PRKAG2: variants seen among roughly 807,000 people sequenced by gnomAD.
The protein encoded by PRKAG2 is 5'-AMP-activated protein kinase subunit gamma-2.
A neutral mutation model predicts 69.6 loss-of-function variants in PRKAG2; 26 were observed. The observed-to-expected ratio is 0.37, with a 90% CI of 0.27 to 0.52. PRKAG2 has a LOEUF of 0.52. Among genes scored for constraint, PRKAG2 ranks in the 20% least tolerant of loss-of-function variants. PRKAG2 has a pLI of 0.90. For synonymous variants in PRKAG2, 293 were observed against 285.0 expected, an observed-to-expected ratio of 1.03 and a Z score of -0.28; for missense variants, 557 against 740.0, an observed-to-expected ratio of 0.75 and a Z score of 2.87.
At chr7:151,769,355 T>C (rs1417948966) in intron 3 of PRKAG2, among the ~76,000 whole-genome samples, 1 of 152,242 alleles carries the variant, frequency 6.6e-6, no homozygotes, top group East Asian at 1.9e-4. Flanking sequence ...GCAGATGTAG[T>C]CACTTAAGTT....
In PRKAG2 at chr7:151,807,748, C is replaced by G. The variant is rs569943581; in HGVS notation, c.115-21207G>C. On this transcript the variant is annotated intron_variant, in intron 1 of 15. Coordinates refer to ENST00000287878, the MANE Select transcript of PRKAG2 (RefSeq NM_016203.4). This position sits in a 1 kb window ranked among gnomAD's most constrained non-coding sequence, Gnocchi z 4.4. ...TTTCAGAGGAAGCCAGGAGCGAGAACTCGTGCATCCGAACCCTTCTCTGAC... is the reference window on the plus strand; with the variant it reads ...TTTCAGAGGAAGCCAGGAGCGAGAAGTCGTGCATCCGAACCCTTCTCTGAC... 2.6e-6 allele frequency: 1 copy of G among 382,594 alleles called. No individual in the cohort carries two copies. The highest frequency in any genetic ancestry group is 5.3e-6 in the Non-Finnish European group (1 of 189,804). 23.7% of individuals were successfully genotyped at this position (382,594 alleles called of 1,614,324 possible). A position where few individuals can be genotyped will look rare whatever the true frequency, so the allele number is the denominator to read the frequency against.
chr7:151,773,023 A>AAGAAAGAAAGAAAGAAAGAAAG (rs1563639223), intron 3 of PRKAG2, among the ~76,000 whole-genome samples: 1 of 55,102 alleles, frequency 1.8e-5, no homozygotes, highest in Non-Finnish European at 3.5e-5. Flanking sequence ...GAAAGAAAGA[A>AAGAAAGAAAGAAAGAAAGAAAG]AGAGAGAGAG....
At chr7:151,636,801 T>G (rs1218385505) in intron 4 of PRKAG2, among the ~76,000 whole-genome samples, 2 of 152,176 alleles carry the variant, frequency 1.3e-5, no homozygotes, top group African/African-American at 4.8e-5. Flanking sequence ...GCCTCCTGGG[T>G]TCAAGTGATT....
chr7:151,790,963 C>T (rs561509595), intron 1 of PRKAG2, among the ~76,000 whole-genome samples: 39 of 152,324 alleles, frequency 2.6e-4, no homozygotes, highest in Admixed American at 6.5e-4. Flanking sequence ...GGCGGCTGCC[C>T]GGAGTGGTGG....
chr7:151,860,313 A>T (rs916047353), intron 1 of PRKAG2, among the ~76,000 whole-genome samples: 3 of 152,170 alleles, frequency 2.0e-5, no homozygotes, highest in Non-Finnish European at 4.4e-5. Flanking sequence ...TGCAGCAGAG[A>T]GAACCAGAAC....
intron 5 of PRKAG2, among the ~76,000 whole-genome samples, chr7:151,617,415 C>G (rs1269312088): frequency 6.6e-6 from 1 of 151,964 alleles, no homozygotes; most frequent in Non-Finnish European, 1.5e-5. Flanking sequence ...GTTGATGAAA[C>G]AAGGCTGTCT....
At chr7:151,707,766 G>C (rs1255614338) in intron 3 of PRKAG2, among the ~76,000 whole-genome samples, 1 of 152,184 alleles carries the variant, frequency 6.6e-6, no homozygotes, top group Admixed American at 6.5e-5. Flanking sequence ...AGTTAAACCG[G>C]CCAGCCAGGG....
chr7:151,767,442 C>A (rs1317816108), intron 3 of PRKAG2, among the ~76,000 whole-genome samples: 1 of 152,228 alleles, frequency 6.6e-6, no homozygotes, highest in Non-Finnish European at 1.5e-5. Context: ...AGGCATCTGC[C>A]ACCATGTGCG....
intron 6 of PRKAG2, among the ~76,000 whole-genome samples, chr7:151,591,877 G>T (rs771004027): frequency 1.3e-5 from 2 of 152,064 alleles, no homozygotes; most frequent in African/African-American, 4.8e-5. Flanking sequence ...TGACTCTCCC[G>T]CTGGGAAACA....
intron 6 of PRKAG2, among the ~76,000 whole-genome samples, chr7:151,579,095 C>A (rs1388842143): frequency 2.0e-5 from 3 of 152,126 alleles, no homozygotes; most frequent in Non-Finnish European, 2.9e-5. Context: ...TTCCTCACTG[C>A]ACCCCTCCCC....
rs367700039 is a variant in PRKAG2 at position 151,627,070 on chromosome 7, G to A, written c.754+4999C>T. ...TTGCTTTGGGGTCTGATTTTTAAGC[G>A]AGAGAGAAAAAGCAAAAGATCACCA... On this transcript the variant is annotated intron_variant, in intron 5 of 15. Coordinates refer to ENST00000287878, the MANE Select transcript of PRKAG2 (RefSeq NM_016203.4). Among the ~76,000 whole-genome samples, 26 of 152,244 alleles carry A rather than the reference G, an allele frequency of 1.7e-4. No homozygotes were observed. In the South Asian group the frequency reaches 5.0e-3, roughly 29 times the overall value.
At chr7:151,794,963 C>G (rs1331120953) in intron 1 of PRKAG2, among the ~76,000 whole-genome samples, 3 of 152,206 alleles carry the variant, frequency 2.0e-5, no homozygotes. Context: ...CCAACAGTGC[C>G]TCTTCTGACC....
intron 1 of PRKAG2, among the ~76,000 whole-genome samples, chr7:151,819,128 G>A (rs147323713): frequency 1.3e-3 from 205 of 152,282 alleles, no homozygotes; most frequent in African/African-American, 4.6e-3. Context: ...GAATCTGGCC[G>A]GCCCGCAGCC....
chr7:151,689,845 C>T (rs1018288663), intron 3 of PRKAG2, among the ~76,000 whole-genome samples: 1 of 152,110 alleles, frequency 6.6e-6, no homozygotes, highest in Non-Finnish European at 1.5e-5. Context: ...CGCCTCTGCC[C>T]CAGAGCTCGT....
intron 6 of PRKAG2, among the ~76,000 whole-genome samples, chr7:151,578,547 C>T (rs920274800): frequency 6.6e-6 from 1 of 152,212 alleles, no homozygotes; most frequent in African/African-American, 2.4e-5. Context: ...ATAGGGACTA[C>T]TGGTGCGTTG....
chr7:151,598,976 C>T (rs1227744108), intron 5 of PRKAG2, among the ~76,000 whole-genome samples: 1 of 151,918 alleles, frequency 6.6e-6, no homozygotes, highest in Non-Finnish European at 1.5e-5. Flanking sequence ...CTCAGCCTCC[C>T]GAGTAGCTGG....
At chr7:151,778,714 C>G (rs867386940) in intron 3 of PRKAG2, among the ~76,000 whole-genome samples, 4 of 152,208 alleles carry the variant, frequency 2.6e-5, no homozygotes, top group Admixed American at 6.5e-5. Flanking sequence ...CCCCAAAGCT[C>G]AGGTCTGGGA....
At chr7:151,815,193 A>G (rs946822629) in intron 1 of PRKAG2, among the ~76,000 whole-genome samples, 4 of 71,702 alleles carry the variant, frequency 5.6e-5, no homozygotes, top group African/African-American at 1.6e-4. Context: ...CATTCCCCCA[A>G]CTCCAACCAG....
chr7:151,867,491 T>G (rs534078406), intron 1 of PRKAG2, among the ~76,000 whole-genome samples: 1 of 152,162 alleles, frequency 6.6e-6, no homozygotes, highest in East Asian at 1.9e-4. Context: ...TTCTTGCCTG[T>G]GCCTCTGGAT....
Sources: allele counts gnomAD v4.1 joint callset (sites outside exome capture counted in the v4.1 genomes callset), GRCh38; gene constraint gnomAD v4.1.1; non-coding constraint Gnocchi (gnomAD v3.1); transcripts MANE v1.5; gene names NCBI Gene and HGNC (gene_info 2026-07-23, HGNC 2026-07-21).